Variants in ZFAT observed in about 807,000 individuals in gnomAD.
The protein encoded by ZFAT is zinc finger and AT-hook domain containing, also known as zinc finger protein ZFAT.
In ZFAT, 64 loss-of-function variants were observed where a neutral mutation model predicts 117.7. The ratio of observed to expected loss-of-function variants is 0.54; its 90% confidence interval spans 0.44 to 0.67. The LOEUF is 0.67. Ranked by LOEUF, ZFAT falls within the 30% of genes least tolerant of loss-of-function variation. The probability of loss-of-function intolerance (pLI) is 0.00; values close to 1 mark genes in which losing one functional copy is unlikely to be tolerated. For missense variants in ZFAT, 1,433 were observed against 1,584.5 expected (o/e 0.90, Z 1.62); for synonymous variants, 679 against 615.0 (o/e 1.10, Z -1.54).
At chr8:134,781,027 T>TG in the ZFAT span, among the ~76,000 whole-genome samples, 2 of 152,118 alleles carry the variant, frequency 1.3e-5, no homozygotes, top group Non-Finnish European at 2.9e-5. Flanking sequence ...TAAGGTTTTG[T>TG]GGGGTTTTTT....
chr8:134,797,708 TAAAAGTTAAA>T, the ZFAT span: 1 of 151,970 alleles, frequency 6.6e-6, no homozygotes, highest in Non-Finnish European at 1.5e-5. Flanking sequence ...TTGTTTTTCA[TAAAAGTTAAA>T]GAAAGTTAAG....
At chr8:134,484,387 C>G (rs1342551753) in intron 15 of ZFAT, among the ~76,000 whole-genome samples, 1 of 152,240 alleles carries the variant, frequency 6.6e-6, no homozygotes, top group Non-Finnish European at 1.5e-5. Context: ...AGAGAACCAT[C>G]TGGAGCAGCC....
Position 134,583,699 on chromosome 8 carries a change from G to A in ZFAT, c.2887+133C>T, listed in dbSNP as rs762901366. The stretch of plus-strand genomic sequence containing the variant: ...GAGGAAGTCAGGCCTGGTCTTCACC[G>A]CTCTTCCAGAAGCTCCTTCTAACGG... On this transcript the variant is annotated intron_variant, in intron 10 of 15. Transcript: ENST00000377838. The A allele has an allele frequency of 1.4e-4, 153 of 1,103,834 alleles. 1 individual carries two copies. The highest frequency in any genetic ancestry group is 1.7e-4 in the Non-Finnish European group (135 of 772,768). 68.4% of individuals were successfully genotyped at this position (1,103,834 alleles called of 1,614,324 possible).
intron 11 of ZFAT, among the ~76,000 whole-genome samples, chr8:134,553,032 G>A (rs1823295495): frequency 6.6e-6 from 1 of 152,236 alleles, no homozygotes; most frequent in Non-Finnish European, 1.5e-5. Flanking sequence ...ATGGGTGAGA[G>A]GTAGTGATGA....
chr8:134,733,345 G>A, the ZFAT span, among the ~76,000 whole-genome samples: 1 of 152,092 alleles, frequency 6.6e-6, no homozygotes, highest in Non-Finnish European at 1.5e-5. Context: ...GTGACCATCC[G>A]GCTTTTGGGG....
chr8:134,781,273 G>A, the ZFAT span, among the ~76,000 whole-genome samples: 2 of 152,044 alleles, frequency 1.3e-5, no homozygotes, highest in Non-Finnish European at 2.9e-5. Flanking sequence ...CTACTGAGAT[G>A]TGCCACCATG....
At chr8:134,544,737 C>A (rs761931852) in intron 11 of ZFAT, among the ~76,000 whole-genome samples, 1 of 151,832 alleles carries the variant, frequency 6.6e-6, no homozygotes, top group Non-Finnish European at 1.5e-5. Context: ...GGGGCTCAAC[C>A]TCATTAACAA....
chr8:134,619,230 A>G (rs188322893), intron 3 of ZFAT, among the ~76,000 whole-genome samples: 80 of 152,202 alleles, frequency 5.3e-4, no homozygotes, highest in African/African-American at 1.8e-3. Flanking sequence ...ACCATTTCAC[A>G]CAAAGCCTAT....
chr8:134,827,654 G>C, the ZFAT span, among the ~76,000 whole-genome samples: 2 of 151,640 alleles, frequency 1.3e-5, no homozygotes, highest in Non-Finnish European at 2.9e-5. Flanking sequence ...TGTAATCTCA[G>C]CTACTTGGGA....
chr8:134,629,038 C>CA (rs1829709191), intron 3 of ZFAT, among the ~76,000 whole-genome samples: 1 of 152,150 alleles, frequency 6.6e-6, no homozygotes, highest in African/African-American at 2.4e-5. Flanking sequence ...GGAGCTGTCA[C>CA]AGAGTCCACA....
At chr8:134,632,763 C>A (rs1829972799) in intron 3 of ZFAT, among the ~76,000 whole-genome samples, 1 of 151,974 alleles carries the variant, frequency 6.6e-6, no homozygotes, top group African/African-American at 2.4e-5. Flanking sequence ...AGACAAATGA[C>A]AAATTGCAGA....
chr8:134,480,755 T>C (rs1323490125), intron 15 of ZFAT, among the ~76,000 whole-genome samples: 1 of 152,220 alleles, frequency 6.6e-6, no homozygotes, highest in Non-Finnish European at 1.5e-5. Flanking sequence ...GGTCCTTTCC[T>C]GGCCTGCAAA....
the ZFAT span, among the ~76,000 whole-genome samples, chr8:134,770,140 C>A: frequency 3.9e-5 from 6 of 152,208 alleles, no homozygotes; most frequent in South Asian, 1.2e-3. Context: ...TCCTCCTTAC[C>A]TATGCAAATT....
intron 1 of ZFAT, among the ~76,000 whole-genome samples, chr8:134,706,636 G>C (rs551429057): frequency 6.6e-6 from 1 of 152,134 alleles, no homozygotes; most frequent in South Asian, 2.1e-4. Context: ...AGGTTGCAGT[G>C]AGCCGAGATC....
chr8:134,525,447 A>G (rs2130506810), intron 12 of ZFAT, among the ~76,000 whole-genome samples: 1 of 152,328 alleles, frequency 6.6e-6, no homozygotes, highest in East Asian at 1.9e-4. Flanking sequence ...ACTCGGGAAG[A>G]AATGGAGGAA....
At chr8:134,512,340 T>C (rs2130388053) in intron 14 of ZFAT, 135 bp downstream of exon 14, 1 of 1,330,580 alleles carries the variant, frequency 7.5e-7, no homozygotes, top group East Asian at 2.3e-5. Flanking sequence ...ATGGGGCTGC[T>C]TCTGCAGTCT....
Position 134,712,983 on chromosome 8 carries a change from AAAG to A in ZFAT, c.-123_-121del. The A allele has an allele frequency of 8.2e-7, 1 of 1,221,888 alleles. No homozygotes were observed. The highest frequency in any genetic ancestry group is 1.1e-6 in the Non-Finnish European group (1 of 931,442). The allele number at this position is 1,221,888 out of a possible 1,614,324, so 75.7% of individuals were successfully genotyped here. A position where few individuals can be genotyped will look rare whatever the true frequency, so the allele number is the denominator to read the frequency against. ...GCTTTTTATTTTTATTTTTTTAAGA[AAAG>A]AGCCGGCGAGGTTATGGCGAATCTG... is the stretch of plus-strand genomic sequence containing the variant. On this transcript the variant is annotated 5_prime_UTR_variant, in exon 1 of 16. Coordinates refer to ENST00000377838, the MANE Select transcript of ZFAT (RefSeq NM_020863.4).
chr8:134,599,655 G>A, intron 7 of ZFAT: 2 of 407,546 alleles, frequency 4.9e-6, no homozygotes, highest in Admixed American at 6.4e-5. Context: ...AACCATGGTA[G>A]CACATCAAAT....
intron 11 of ZFAT, among the ~76,000 whole-genome samples, chr8:134,561,698 G>C (rs546186683): frequency 1.4e-4 from 22 of 152,242 alleles, no homozygotes; most frequent in African/African-American, 4.8e-4. Flanking sequence ...ATTTCATCTT[G>C]TAAGCCAATC....
Sources: allele counts gnomAD v4.1 joint callset (sites outside exome capture counted in the v4.1 genomes callset), GRCh38; gene constraint gnomAD v4.1.1; transcripts MANE v1.5; gene names NCBI Gene and HGNC (gene_info 2026-07-23, HGNC 2026-07-21).